Variants in STARD13 observed in about 807,000 individuals in gnomAD.
The protein encoded by STARD13 is StAR related lipid transfer domain containing 13.
In STARD13, 62 loss-of-function variants were observed where a neutral mutation model predicts 106.4. That is an observed-to-expected ratio of 0.58 (90% CI 0.48 to 0.72). The LOEUF (loss-of-function observed/expected upper bound fraction) is 0.72, where lower values mean the gene tolerates loss of function less well. Among genes scored for constraint, STARD13 ranks in the 30% least tolerant of loss-of-function variants. The pLI, the probability that STARD13 is intolerant of heterozygous loss-of-function variation, is 0.00. For synonymous variants in STARD13, 565 were observed against 553.0 expected (o/e 1.02, Z -0.31); for missense variants, 1,387 against 1,424.0 (o/e 0.97, Z 0.42).
At chr13:33,216,733 T>C (rs1242052413) in intron 1 of STARD13, among the ~76,000 whole-genome samples, 1 of 152,140 alleles carries the variant, frequency 6.6e-6, no homozygotes, top group Non-Finnish European at 1.5e-5. Context: ...TTTAAATAAA[T>C]ATATGGTTGG....
At chr13:33,361,618 A>G in the STARD13 span, among the ~76,000 whole-genome samples, 4 of 152,236 alleles carry the variant, frequency 2.6e-5, no homozygotes, top group Non-Finnish European at 5.9e-5. Flanking sequence ...CAGGCTGTAC[A>G]GGAAGCATGG....
the STARD13 span, among the ~76,000 whole-genome samples, chr13:33,672,853 A>G: frequency 6.6e-6 from 1 of 152,256 alleles, no homozygotes; most frequent in African/African-American, 2.4e-5. Flanking sequence ...TAACACAAGA[A>G]CAAAACAATA....
chr13:33,479,364 C>T, the STARD13 span, among the ~76,000 whole-genome samples: 125 of 152,300 alleles, frequency 8.2e-4, no homozygotes, highest in Non-Finnish European at 4.4e-4. Context: ...AGATCCAGAA[C>T]TGCATTCATT....
chr13:33,421,787 C>A, the STARD13 span, among the ~76,000 whole-genome samples: 1 of 152,294 alleles, frequency 6.6e-6, no homozygotes, highest in East Asian at 1.9e-4. Flanking sequence ...AAGGCTGGTT[C>A]AACATATGCA....
At chr13:33,529,662 T>C in the STARD13 span, among the ~76,000 whole-genome samples, 6 of 152,104 alleles carry the variant, frequency 3.9e-5, no homozygotes, top group Non-Finnish European at 2.9e-5. Flanking sequence ...CAAAACGATA[T>C]GGGAAAACAG....
the STARD13 span, among the ~76,000 whole-genome samples, chr13:33,549,141 A>G: frequency 6.6e-6 from 1 of 152,212 alleles, no homozygotes; most frequent in Non-Finnish European, 1.5e-5. Context: ...CAGTTCAGCA[A>G]AGGACATCTT....
chr13:33,401,339 A>C, the STARD13 span, among the ~76,000 whole-genome samples: 22 of 152,328 alleles, frequency 1.4e-4, no homozygotes, highest in East Asian at 3.9e-3. Flanking sequence ...CACCTTGCAG[A>C]CTTTCAACTA....
chr13:33,258,669 A>G (rs1261879749), intron 1 of STARD13, among the ~76,000 whole-genome samples: 2 of 152,222 alleles, frequency 1.3e-5, no homozygotes, highest in Non-Finnish European at 2.9e-5. Context: ...CAAGGACTTA[A>G]TAGAGCCACA....
chr13:33,616,859 G>A, the STARD13 span, among the ~76,000 whole-genome samples: 2,543 of 152,282 alleles, frequency 0.017, 26 homozygotes, highest in Middle Eastern at 0.037. Flanking sequence ...ATGGGTCTGG[G>A]AGAAAGGACA....
At chr13:33,591,179 C>CGT in the STARD13 span, among the ~76,000 whole-genome samples, 1 of 152,248 alleles carries the variant, frequency 6.6e-6, no homozygotes. Flanking sequence ...AAATCCTTGT[C>CGT]TGCAACGACT....
the STARD13 span, among the ~76,000 whole-genome samples, chr13:33,575,863 A>C: frequency 6.6e-6 from 1 of 152,154 alleles, no homozygotes. Flanking sequence ...ATAGCAACCC[A>C]AAACAGACTA....
At chr13:33,489,751 C>T in the STARD13 span, among the ~76,000 whole-genome samples, 101 of 152,272 alleles carry the variant, frequency 6.6e-4, no homozygotes, top group Middle Eastern at 3.4e-3. Flanking sequence ...CAAGAAACAG[C>T]GACGCACCAT....
the STARD13 span, among the ~76,000 whole-genome samples, chr13:33,635,085 A>G: frequency 1.3e-5 from 2 of 152,230 alleles, no homozygotes; most frequent in Admixed American, 1.3e-4. Context: ...CAAAGTGGAT[A>G]TGGATCGCTT....
chr13:33,506,270 G>C, the STARD13 span, among the ~76,000 whole-genome samples: 3 of 152,154 alleles, frequency 2.0e-5, no homozygotes, highest in Non-Finnish European at 4.4e-5. Flanking sequence ...TGATTGAGTT[G>C]CAAGCTGAAT....
At chr13:33,402,378 G>T in the STARD13 span, among the ~76,000 whole-genome samples, 1 of 152,238 alleles carries the variant, frequency 6.6e-6, no homozygotes, top group African/African-American at 2.4e-5. Context: ...TCTTACAGCA[G>T]CAAGAACTAC....
rs1310478189 is a variant in STARD13, at chr13:33,105,718, G to T, written c.3225-8C>A. The T allele has an allele frequency of 6.2e-6, 10 of 1,604,262 alleles. No individual in the cohort carries two copies. The highest frequency in any genetic ancestry group is 7.7e-6 in the Non-Finnish European group (9 of 1,171,050). On this transcript the variant is annotated splice_polypyrimidine_tract_variant and splice_region_variant and intron_variant, in intron 13 of 13. Coordinates refer to ENST00000336934, the MANE Select transcript of STARD13 (RefSeq NM_178006.4). ...CATTCTGGGGAGTGACCTCTGTGGG[G>T]AAAGAAATCAGAAAGGAAGTGGGAA...
intron 7 of STARD13, 122 bp from the exon 8 acceptor site, chr13:33,118,385 T>C (rs1875733304): frequency 5.2e-6 from 4 of 771,256 alleles, no homozygotes; most frequent in Non-Finnish European, 9.1e-6. Flanking sequence ...GCTGAACTAC[T>C]AGTATAGCTA....
chr13:33,499,598 TTC>T, the STARD13 span, among the ~76,000 whole-genome samples: 85 of 57,276 alleles, frequency 1.5e-3, no homozygotes, highest in Middle Eastern at 9.3e-3. Context: ...CTTCTTCTTC[TTC>T]TTCTTTCTTC....
intron 1 of STARD13, among the ~76,000 whole-genome samples, chr13:33,182,322 G>A (rs1302705765): frequency 6.6e-6 from 1 of 152,160 alleles, no homozygotes; most frequent in Non-Finnish European, 1.5e-5. Context: ...ATGTAAAAAT[G>A]GAACACAGTT....
Sources: allele counts gnomAD v4.1 joint callset (sites outside exome capture counted in the v4.1 genomes callset), GRCh38; gene constraint gnomAD v4.1.1; transcripts MANE v1.5; gene names NCBI Gene and HGNC (gene_info 2026-07-23, HGNC 2026-07-21).